CEP63: variants seen among roughly 807,000 people sequenced by gnomAD.
The protein encoded by CEP63 is centrosomal protein of 63 kDa.
In CEP63, 84 loss-of-function variants were observed where a neutral mutation model predicts 89.1. That is an observed-to-expected ratio of 0.94 (90% CI 0.79 to 1.13). The LOEUF is 1.13. Among genes scored for constraint, CEP63 ranks in the 50% most tolerant of loss-of-function variants. CEP63 has a pLI of 0.00. For missense variants in CEP63, 838 were observed against 813.3 expected (o/e 1.03, Z -0.37); for synonymous variants, 267 against 272.5 (o/e 0.98, Z 0.20).
chr3:134,584,513 C>T (rs1264209424), intron 10 of CEP63, among the ~76,000 whole-genome samples: 1 of 152,154 alleles, frequency 6.6e-6, no homozygotes, highest in Non-Finnish European at 1.5e-5. Flanking sequence ...AGTCTTGAAT[C>T]CCAGGGATGA....
rs74269453 is a variant in CEP63 at position 134,492,070 on chromosome 3, CT to C, written c.-25-3205del. 9.2e-3 allele frequency among the ~76,000 whole-genome samples: 957 copies of C among 103,644 alleles called. 3 individuals are homozygous for C. Among genetic ancestry groups the C allele is most frequent in the African/African-American group, 0.033 (893 of 26,852 alleles). 68.0% of individuals were successfully genotyped at this position (103,644 alleles called of 152,430 possible). A position where few individuals can be genotyped will look rare whatever the true frequency, so the allele number is the denominator to read the frequency against. On this transcript the variant is annotated intron_variant, in intron 1 of 14. Transcript: ENST00000675561. ...TATTATAAGACATTCTATTTGTATTCTTTTTTTTTTTTTTTTTTTTTGAGAC... is the reference window on the plus strand; with the variant it reads ...TATTATAAGACATTCTATTTGTATTCTTTTTTTTTTTTTTTTTTTTGAGAC...
At chr3:134,551,075 G>C (rs953691755) in intron 11 of CEP63, among the ~76,000 whole-genome samples, 6 of 152,202 alleles carry the variant, frequency 3.9e-5, no homozygotes, top group African/African-American at 1.4e-4. Context: ...CAAGTTTGGT[G>C]AAGGATGATG....
chr3:134,498,459 G>C (rs1159623594), intron 2 of CEP63, among the ~76,000 whole-genome samples: 2 of 152,062 alleles, frequency 1.3e-5, no homozygotes, highest in Non-Finnish European at 2.9e-5. Flanking sequence ...TTTTTTGGTG[G>C]AGTCTTTAGG....
the CEP63 span, among the ~76,000 whole-genome samples, chr3:134,652,002 T>C: frequency 6.6e-6 from 1 of 152,068 alleles, no homozygotes; most frequent in Non-Finnish European, 1.5e-5. Flanking sequence ...CTGGGAGCCC[T>C]CCCCGCATTG....
the CEP63 span, among the ~76,000 whole-genome samples, chr3:134,664,123 G>A: frequency 6.6e-6 from 1 of 152,170 alleles, no homozygotes; most frequent in Non-Finnish European, 1.5e-5. Context: ...CTGGACACCT[G>A]TTAGGCTGAT....
At chr3:134,611,241 C>T in the CEP63 span, among the ~76,000 whole-genome samples, 95,440 of 152,150 alleles carry the variant, frequency 0.63, 30,404 homozygotes, top group East Asian at 0.87. Context: ...GCTGGCACTG[C>T]TTTCTGGGAA....
chr3:134,650,479 C>G, the CEP63 span, among the ~76,000 whole-genome samples: 1 of 152,194 alleles, frequency 6.6e-6, no homozygotes, highest in Non-Finnish European at 1.5e-5. Context: ...ACCCATGAGT[C>G]AGCCCTGAGG....
the CEP63 span, among the ~76,000 whole-genome samples, chr3:134,640,161 G>A: frequency 7.0e-6 from 1 of 143,212 alleles, no homozygotes; most frequent in Admixed American, 6.9e-5. Flanking sequence ...AGAAAATGTT[G>A]AACCATTCCG....
the CEP63 span, among the ~76,000 whole-genome samples, chr3:134,593,284 A>T: frequency 6.6e-6 from 1 of 152,156 alleles, no homozygotes; most frequent in Non-Finnish European, 1.5e-5. Flanking sequence ...ATGCATCGTG[A>T]TGGTAGCCAA....
At chr3:134,567,457 T>C (rs1312047435), downstream of CEP63, among the ~76,000 whole-genome samples, 2 of 100,050 alleles carry the variant, frequency 2.0e-5, 1 homozygote, top group African/African-American at 8.1e-5. Flanking sequence ...TATATCTTAA[T>C]CACTGTTACC....
At chr3:134,595,162 A>G in the CEP63 span, among the ~76,000 whole-genome samples, 2 of 152,266 alleles carry the variant, frequency 1.3e-5, no homozygotes, top group East Asian at 3.9e-4. Context: ...AGTGGGAGGT[A>G]ATTTAATCAT....
At chr3:134,698,327 C>G in the CEP63 span, among the ~76,000 whole-genome samples, 1 of 152,190 alleles carries the variant, frequency 6.6e-6, no homozygotes. Context: ...AGGGGCATGC[C>G]AAGCAGCACT....
the CEP63 span, among the ~76,000 whole-genome samples, chr3:134,681,071 G>T: frequency 6.6e-6 from 1 of 152,198 alleles, no homozygotes; most frequent in Admixed American, 6.5e-5. Context: ...TTCAAGGGCT[G>T]GGGAGAGCCA....
chr3:134,628,923 G>C, the CEP63 span, among the ~76,000 whole-genome samples: 1 of 152,180 alleles, frequency 6.6e-6, no homozygotes. Context: ...GACAGTTTTG[G>C]AGGACTTTGG....
At chr3:134,659,434 AG>A in the CEP63 span, among the ~76,000 whole-genome samples, 1 of 152,196 alleles carries the variant, frequency 6.6e-6, no homozygotes, top group African/African-American at 2.4e-5. Flanking sequence ...AATAGCCCAA[AG>A]GTGGGCTGAT....
Position 134,561,375 on chromosome 3 carries a change from A to G in CEP63, c.1954-2A>G, listed in dbSNP as rs764991667. On this transcript the variant is annotated splice_acceptor_variant, in intron 14 of 14. Transcript: ENST00000675561. LOFTEE classifies it high-confidence loss of function. ...ACATGTCAAAATTTGTGTCTCTTCC[A>G]GTGTTCCTTGCCTGTATCTCCCCTT... The G allele has an allele frequency of 4.3e-6, 7 of 1,613,448 alleles. No individual in the cohort carries two copies. Among genetic ancestry groups the G allele is most frequent in the Non-Finnish European group, 5.1e-6 (6 of 1,179,418 alleles).
the CEP63 span, among the ~76,000 whole-genome samples, chr3:134,665,335 G>A: frequency 6.6e-6 from 1 of 152,212 alleles, no homozygotes; most frequent in African/African-American, 2.4e-5. Flanking sequence ...ACCCCATCCA[G>A]TTCCCTGAGG....
At chr3:134,779,473 A>T in the CEP63 span, among the ~76,000 whole-genome samples, 1 of 152,178 alleles carries the variant, frequency 6.6e-6, no homozygotes. Flanking sequence ...GGCATTGCTA[A>T]GGTATTCCCA....
At chr3:134,652,875 C>T in the CEP63 span, among the ~76,000 whole-genome samples, 1 of 152,174 alleles carries the variant, frequency 6.6e-6, no homozygotes, top group Non-Finnish European at 1.5e-5. Context: ...AGCCTGTGTA[C>T]AGCACCCTTG....
Sources: allele counts gnomAD v4.1 joint callset (sites outside exome capture counted in the v4.1 genomes callset), GRCh38; gene constraint gnomAD v4.1.1; transcripts MANE v1.5; gene names NCBI Gene and HGNC (gene_info 2026-07-23, HGNC 2026-07-21).